Variants in GNB1 observed in about 807,000 individuals in gnomAD.
GNB1 encodes the protein guanine nucleotide-binding protein G(I)/G(S)/G(T) subunit beta-1.
A neutral mutation model predicts 42.9 loss-of-function variants in GNB1; 2 were observed. The observed-to-expected ratio is 0.05, with a 90% CI of 0.02 to 0.15. The LOEUF (loss-of-function observed/expected upper bound fraction) is 0.15, where lower values mean the gene tolerates loss of function less well. Among genes scored for constraint, GNB1 ranks in the 10% least tolerant of loss-of-function variants. The pLI is 1.00. For synonymous variants in GNB1, 183 were observed against 174.7 expected (o/e 1.05, Z -0.38); for missense variants, 193 against 462.2 (o/e 0.42, Z 5.34).
At chr1:1,889,606 G>A (rs1250800566) in intron 1 of GNB1, among the ~76,000 whole-genome samples, 1 of 147,072 alleles carries the variant, frequency 6.8e-6, no homozygotes, top group Admixed American at 6.9e-5. Flanking sequence ...GAGCCCCAGA[G>A]TTCGAGACCA....
intron 1 of GNB1, among the ~76,000 whole-genome samples, chr1:1,881,790 G>T (rs895518312): frequency 2.6e-5 from 4 of 152,200 alleles, no homozygotes; most frequent in African/African-American, 9.6e-5. Context: ...GTCCCTGGAT[G>T]TGCTGTGCTC....
intron 1 of GNB1, among the ~76,000 whole-genome samples, chr1:1,854,774 C>T (rs189230674): frequency 1.2e-4 from 19 of 152,236 alleles, no homozygotes; most frequent in Non-Finnish European, 2.1e-4. Context: ...GGCTCACACC[C>T]GTAATCCCCG....
intron 6 of GNB1, among the ~76,000 whole-genome samples, chr1:1,805,983 T>C (rs1299905337): frequency 3.3e-5 from 5 of 152,260 alleles, no homozygotes; most frequent in Admixed American, 2.6e-4. Context: ...ATAAACTGAA[T>C]TACATCTTTT....
At chr1:1,816,644 C>CA (rs1402333145) in intron 4 of GNB1, among the ~76,000 whole-genome samples, 2 of 108,638 alleles carry the variant, frequency 1.8e-5, no homozygotes, top group African/African-American at 6.5e-5. Context: ...TTTTTATTAT[C>CA]TTTTTTTTTT....
intron 1 of GNB1, among the ~76,000 whole-genome samples, chr1:1,864,939 G>A (rs1475831002): frequency 1.3e-5 from 2 of 152,162 alleles, no homozygotes; most frequent in African/African-American, 4.8e-5. Context: ...GAGTTATGAA[G>A]AGTATTGCTA....
chr1:1,863,138 G>C (rs1369679536), intron 1 of GNB1, among the ~76,000 whole-genome samples: 2 of 152,054 alleles, frequency 1.3e-5, no homozygotes, highest in African/African-American at 4.8e-5. Context: ...CACAATCCTT[G>C]GTCACTGCCC....
At chr1:1,819,477 T>C (rs1469536812) in intron 3 of GNB1, among the ~76,000 whole-genome samples, 13 of 152,076 alleles carry the variant, frequency 8.5e-5, no homozygotes, top group Admixed American at 7.9e-4. Context: ...CATCTCAGCC[T>C]CCCAAAGTGC....
chr1:1,790,689 GC>G lies in GNB1; in HGVS notation c.498-94del. The G allele has an allele frequency of 1.3e-6, 1 of 756,742 alleles. No individual in the cohort carries two copies. Among genetic ancestry groups the G allele is most frequent in the Non-Finnish European group, 2.3e-6 (1 of 426,808 alleles). 46.9% of individuals were successfully genotyped at this position (756,742 alleles called of 1,614,324 possible). ...CAATCTGTCCTTCAAACCACCCAGGGCCACAGTGAGCCTCTGCACTGTTACT... is the reference window on the plus strand; with the variant it reads ...CAATCTGTCCTTCAAACCACCCAGGGCACAGTGAGCCTCTGCACTGTTACT... On this transcript the variant is annotated intron_variant, in intron 8 of 11. Coordinates refer to ENST00000378609, the MANE Select transcript of GNB1 (RefSeq NM_002074.5). The surrounding 1 kb of genome is among the most constrained non-coding windows in gnomAD (Gnocchi z 5.4).
intron 5 of GNB1, among the ~76,000 whole-genome samples, chr1:1,807,059 T>C (rs771153398): frequency 6.6e-6 from 1 of 151,928 alleles, no homozygotes; most frequent in African/African-American, 2.4e-5. Flanking sequence ...CAGACCACAG[T>C]TGAGAGTGGA....
intron 1 of GNB1, among the ~76,000 whole-genome samples, chr1:1,851,294 C>T (rs374525535): frequency 2.0e-5 from 3 of 152,152 alleles, no homozygotes; most frequent in East Asian, 3.9e-4. Flanking sequence ...CCTGTAATTC[C>T]AGCTACTCGG....
intron 1 of GNB1, among the ~76,000 whole-genome samples, chr1:1,879,646 A>T (rs745920394): frequency 3.3e-5 from 5 of 151,462 alleles, no homozygotes; most frequent in Non-Finnish European, 7.4e-5. Context: ...CGGAGCTTGC[A>T]GTGAGCCAAG....
At chr1:1,831,972 G>A (rs191888214) in intron 2 of GNB1, among the ~76,000 whole-genome samples, 1 of 148,808 alleles carries the variant, frequency 6.7e-6, no homozygotes, top group East Asian at 2.0e-4. Context: ...TGAAGTGGGA[G>A]AATCCACTTG....
chr1:1,832,930 G>A (rs1336506875), intron 2 of GNB1, among the ~76,000 whole-genome samples: 1 of 152,090 alleles, frequency 6.6e-6, no homozygotes, highest in Non-Finnish European at 1.5e-5. Context: ...AATTAAATCA[G>A]ACAACCAATC....
At chr1:1,838,138 G>A (rs925051328) in intron 2 of GNB1, among the ~76,000 whole-genome samples, 1 of 152,102 alleles carries the variant, frequency 6.6e-6, no homozygotes, top group Non-Finnish European at 1.5e-5. Flanking sequence ...GGGAGGGGGA[G>A]GTTGCAGAGA....
chr1:1,790,759 A>G lies in GNB1; in HGVS notation c.498-163T>C, dbSNP rs1051870035. 6.6e-6 allele frequency among the ~76,000 whole-genome samples: 1 copy of G among 152,192 alleles called. No individual in the cohort carries two copies. The highest frequency in any genetic ancestry group is 2.4e-5 in the African/African-American group (1 of 41,452). On this transcript the variant is annotated intron_variant, in intron 8 of 11. Coordinates refer to ENST00000378609, the MANE Select transcript of GNB1 (RefSeq NM_002074.5). The surrounding 1 kb of genome is among the most constrained non-coding windows in gnomAD (Gnocchi z 5.4). The stretch of plus-strand genomic sequence containing the variant: ...TAAAGACAAATTTAAATGTAATACA[A>G]CTTTGGAAGGGAAACAAAGCAAAGC...
At chr1:1,845,709 C>T (rs532274749) in intron 1 of GNB1, among the ~76,000 whole-genome samples, 1 of 152,156 alleles carries the variant, frequency 6.6e-6, no homozygotes, top group East Asian at 1.9e-4. Flanking sequence ...AAGGGAGGCA[C>T]AACACGGACT....
At chr1:1,885,191 T>C (rs1650080130) in intron 1 of GNB1, among the ~76,000 whole-genome samples, 1 of 151,490 alleles carries the variant, frequency 6.6e-6, no homozygotes, top group Non-Finnish European at 1.5e-5. Flanking sequence ...GGCGGGCGGA[T>C]CACTTGAGGT....
At chr1:1,851,951 G>A (rs1245997330) in intron 1 of GNB1, among the ~76,000 whole-genome samples, 1 of 151,698 alleles carries the variant, frequency 6.6e-6, no homozygotes, top group Non-Finnish European at 1.5e-5. Flanking sequence ...GCTGAGGCAG[G>A]AGAAATGCTT....
chr1:1,785,652 A>C lies in GNB1; in HGVS notation c.*1411T>G, dbSNP rs1646395587. On this transcript the variant is annotated 3_prime_UTR_variant, in exon 12 of 12. Transcript: ENST00000378609. ...GCTGAACACTGGCCTTGAAATGAAC[A>C]CCAGGACAATCTGTGTGTGATGGGA... 1 of 241,674 alleles carries C rather than the reference A, an allele frequency of 4.1e-6. No individual in the cohort carries two copies. The highest frequency in any genetic ancestry group is 2.2e-5 in the African/African-American group (1 of 45,052). The allele number at this position is 241,674 out of a possible 1,614,324, so 15.0% of individuals were successfully genotyped here. A position where few individuals can be genotyped will look rare whatever the true frequency, so the allele number is the denominator to read the frequency against.
Sources: allele counts gnomAD v4.1 joint callset (sites outside exome capture counted in the v4.1 genomes callset), GRCh38; gene constraint gnomAD v4.1.1; non-coding constraint Gnocchi (gnomAD v3.1); transcripts MANE v1.5; gene names NCBI Gene and HGNC (gene_info 2026-07-23, HGNC 2026-07-21).